TRIM33: variants seen among roughly 807,000 people sequenced by gnomAD.
TRIM33 encodes E3 ubiquitin-protein ligase TRIM33.
In TRIM33, 20 loss-of-function variants were observed where a neutral mutation model predicts 125.4. That is an observed-to-expected ratio of 0.16 (90% CI 0.11 to 0.23). The LOEUF (loss-of-function observed/expected upper bound fraction) is 0.23, where lower values mean the gene tolerates loss of function less well. Ranked by LOEUF, TRIM33 falls within the 10% of genes least tolerant of loss-of-function variation. TRIM33 has a pLI of 1.00. For missense variants in TRIM33, 920 were observed against 1,411.4 expected (o/e 0.65, Z 5.58); for synonymous variants, 564 against 513.9 (o/e 1.10, Z -1.32).
chr1:114,421,461 G>A lies in TRIM33; in HGVS notation c.2036C>T (p.Ser679Leu), dbSNP rs774413026. Reference protein sequence around the residue: ...PSVTNPENLPSLPDIPPIQLE... With the variant: ...PSVTNPENLPLLPDIPPIQLE... ...CTGTATGGGTGGAATATCTGGCAGC[G>A]ATGGAAGGTTTTCTGGATTGGTAAC... Residue 679 changes from serine to leucine, a missense_variant, in exon 11 of 20, where the codon TCG (serine) becomes TTG (leucine). Ser to Leu is a moderately radical substitution (Grantham distance 145). Coordinates refer to ENST00000358465, the MANE Select transcript of TRIM33 (RefSeq NM_015906.4). 1 of 1,614,070 alleles carries A rather than the reference G, an allele frequency of 6.2e-7. No individual in the cohort carries two copies. Among genetic ancestry groups the A allele is most frequent in the Non-Finnish European group, 8.5e-7 (1 of 1,179,966 alleles).
chr1:114,475,179 C>T (rs1650903645), intron 1 of TRIM33, among the ~76,000 whole-genome samples: 1 of 152,110 alleles, frequency 6.6e-6, no homozygotes, highest in Non-Finnish European at 1.5e-5. Flanking sequence ...GGACAATTAT[C>T]AAGTGGTCTA....
intron 4 of TRIM33, among the ~76,000 whole-genome samples, chr1:114,459,659 T>C (rs75377904): frequency 0.01 from 1,561 of 152,290 alleles, 23 homozygotes; most frequent in African/African-American, 0.035. Context: ...GTCCCAGGTA[T>C]GTGGGACACT....
rs554072923 is a variant in TRIM33, at chr1:114,406,380, C to G, written c.2418+561G>C. 5.9e-5 allele frequency among the ~76,000 whole-genome samples: 9 copies of G among 152,158 alleles called. No individual in the cohort carries two copies. In the South Asian group the frequency reaches 1.5e-3, roughly 25 times the overall value. The stretch of plus-strand genomic sequence containing the variant: ...ACCATATAAAAAAGGAAAAAGAAGC[C>G]CGGTCAGAAAGAGAAAACAAAAATC... On this transcript the variant is annotated intron_variant, in intron 14 of 19. Transcript: ENST00000358465.
At chr1:114,476,450 A>G (rs756483104) in intron 1 of TRIM33, among the ~76,000 whole-genome samples, 1 of 152,162 alleles carries the variant, frequency 6.6e-6, no homozygotes, top group Non-Finnish European at 1.5e-5. Flanking sequence ...TTAAATGTTT[A>G]AAAACAAAAC....
intron 4 of TRIM33, among the ~76,000 whole-genome samples, chr1:114,453,590 C>A (rs947613920): frequency 2.0e-5 from 3 of 152,142 alleles, no homozygotes; most frequent in South Asian, 2.1e-4. Flanking sequence ...AATCTCTAAC[C>A]CCCTGAAATG....
intron 17 of TRIM33, among the ~76,000 whole-genome samples, chr1:114,400,695 A>T (rs534083526): frequency 5.9e-5 from 9 of 152,320 alleles, no homozygotes; most frequent in Admixed American, 4.6e-4. Context: ...CAAGTCAACT[A>T]CCATTTAATA....
intron 1 of TRIM33, among the ~76,000 whole-genome samples, chr1:114,473,813 C>A (rs945644105): frequency 6.6e-6 from 1 of 151,906 alleles, no homozygotes. Context: ...TAGATCTAAC[C>A]ATAACAATAA....
chr1:114,427,135 T>G (rs753920087), intron 8 of TRIM33, 42 bp downstream of exon 8: 1 of 933,300 alleles, frequency 1.1e-6, no homozygotes, highest in Non-Finnish European at 1.7e-6. Flanking sequence ...TCCTTCTAAT[T>G]CAGTGTTCCA....
At chr1:114,481,661 GTATATATATGTGTGTATATA>G (rs1336498140) in intron 1 of TRIM33, among the ~76,000 whole-genome samples, 72 of 145,010 alleles carry the variant, frequency 5.0e-4, no homozygotes, top group Middle Eastern at 3.5e-3. Flanking sequence ...GTGTGTGTGT[GTATATATATGTGTGTATATA>G]TATATATATG....
intron 18 of TRIM33, among the ~76,000 whole-genome samples, 185 bp downstream of exon 18, chr1:114,399,272 T>A (rs2101077738): frequency 6.6e-6 from 1 of 152,224 alleles, no homozygotes; most frequent in African/African-American, 2.4e-5. Context: ...TATATTTAAG[T>A]ATATACTCCA....
In TRIM33 at chr1:114,487,924, AAAAAAAT is replaced by A. The variant is rs1459372116; in HGVS notation, c.526+22620_526+22626del. Among the ~76,000 whole-genome samples the A allele has an allele frequency of 1.1e-3, 167 of 150,420 alleles. 1 individual carries two copies. Among genetic ancestry groups the A allele is most frequent in the African/African-American group, 3.8e-3 (157 of 40,972 alleles). On this transcript the variant is annotated intron_variant, in intron 1 of 19. Coordinates refer to ENST00000358465, the MANE Select transcript of TRIM33 (RefSeq NM_015906.4). ...GTCTCAAAAAAAAAAAAAAAAAAAA[AAAAAAAT>A]GAGAGTAAATATAATAGATTTCTTC...
intron 4 of TRIM33, among the ~76,000 whole-genome samples, chr1:114,452,263 C>T (rs1470692039): frequency 1.3e-5 from 2 of 152,034 alleles, no homozygotes; most frequent in South Asian, 2.1e-4. Context: ...AGATTGAGAC[C>T]ATCCTGGCCA....
chr1:114,496,047 C>T (rs1039236361), intron 1 of TRIM33, among the ~76,000 whole-genome samples: 2 of 152,134 alleles, frequency 1.3e-5, no homozygotes, highest in African/African-American at 2.4e-5. Flanking sequence ...ATGTAATATA[C>T]GAAGGACAGC....
chr1:114,441,657 T>A (rs1337105459), intron 4 of TRIM33, among the ~76,000 whole-genome samples: 1 of 152,226 alleles, frequency 6.6e-6, no homozygotes, highest in Non-Finnish European at 1.5e-5. Flanking sequence ...CCAATTGGTT[T>A]TATTCTTTGC....
Position 114,410,169 on chromosome 1 carries a change from A to AC in TRIM33, c.2194+14dup. 7.4e-6 allele frequency: 12 copies of AC among 1,613,616 alleles called. No individual in the cohort carries two copies. Among genetic ancestry groups the AC allele is most frequent in the Non-Finnish European group, 1.0e-5 (12 of 1,179,770 alleles). Reference sequence around the variant, plus strand: ...TTAAGGTGTTAAAAAATAAGGTAATACCCGTTTGCTTTACCTGATGATCCC... The same window carrying AC: ...TTAAGGTGTTAAAAAATAAGGTAATACCCCGTTTGCTTTACCTGATGATCCC... On this transcript the variant is annotated intron_variant, in intron 12 of 19. Transcript: ENST00000358465.
At chr1:114,399,899 T>C (rs904342942) in intron 17 of TRIM33, among the ~76,000 whole-genome samples, 5 of 152,094 alleles carry the variant, frequency 3.3e-5, no homozygotes, top group Admixed American at 6.6e-5. Flanking sequence ...GAGGCAACAT[T>C]TGACTTACCA....
chr1:114,490,915 C>G (rs982216802), intron 1 of TRIM33: 7 of 152,102 alleles, frequency 4.6e-5, no homozygotes, highest in Admixed American at 3.3e-4. Flanking sequence ...TAAGACCACA[C>G]ATCGTATATT....
At chr1:114,437,666 G>A (rs1648392265) in intron 4 of TRIM33, among the ~76,000 whole-genome samples, 1 of 152,070 alleles carries the variant, frequency 6.6e-6, no homozygotes, top group East Asian at 1.9e-4. Flanking sequence ...GGCTTTCTTA[G>A]TCACAATGAA....
rs1277415679 is a variant in TRIM33, at chr1:114,395,467, A to AT, written c.*2180_*2181insA. ...AATCTATTTATGACTCATTATCTAC[A>AT]ATTTTTTTAAAAGGATCCATTTGAA... is the stretch of plus-strand genomic sequence containing the variant. On this transcript the variant is annotated 3_prime_UTR_variant, in exon 20 of 20. Transcript: ENST00000358465. 4 of 190,912 alleles carry AT rather than the reference A, an allele frequency of 2.1e-5. No homozygotes were observed. The highest frequency in any genetic ancestry group is 3.3e-5 in the Non-Finnish European group (3 of 91,802). The allele number at this position is 190,912 out of a possible 1,614,324, so 11.8% of individuals were successfully genotyped here. A position where few individuals can be genotyped will look rare whatever the true frequency, so the allele number is the denominator to read the frequency against.
Sources: allele counts gnomAD v4.1 joint callset (sites outside exome capture counted in the v4.1 genomes callset), GRCh38; gene constraint gnomAD v4.1.1; transcripts MANE v1.5; gene names NCBI Gene and HGNC (gene_info 2026-07-23, HGNC 2026-07-21).